The following KDM5B variants were observed in gnomAD, a reference collection of about 807,000 sequenced individuals.
The protein encoded by KDM5B is lysine demethylase 5B.
Under a neutral mutation model 193.4 loss-of-function variants are expected in KDM5B, and 144 were observed. That is an observed-to-expected ratio of 0.74 (90% CI 0.65 to 0.86). KDM5B has a LOEUF of 0.86. Among genes scored for constraint, KDM5B ranks in the 40% least tolerant of loss-of-function variants. KDM5B has a pLI of 0.00. For synonymous variants in KDM5B, 668 were observed against 682.6 expected, an observed-to-expected ratio of 0.98 and a Z score of 0.33; for missense variants, 1,833 against 1,886.9, an observed-to-expected ratio of 0.97 and a Z score of 0.53.
rs1656110094 is a variant in KDM5B at position 202,758,500 on chromosome 1, T to C, written c.1088A>G (p.Lys363Arg). The change falls in exon 9 of 27, where the codon AAG becomes AGG. Residue 363 changes from lysine (K) to arginine (R), a missense_variant. Physicochemically the swap from Lys to Arg is conservative, Grantham distance 26. This residue lies in a region of KDM5B where 99 missense variants were observed against 162.4 expected (regional missense o/e 0.61). Transcript: ENST00000367265. ...TTCAAAGCCAAATGCTTCTTGTGGC[T>C]TACTACATTCCTGAAAATAAAGAAA... ...CPKCLAQECS[K>R]PQEAFGFEQA... 1 of 1,609,520 alleles carries C rather than the reference T, an allele frequency of 6.2e-7. No individual in the cohort carries two copies. Among genetic ancestry groups the C allele is most frequent in the Admixed American group, 1.7e-5 (1 of 59,898 alleles).
intron 7 of KDM5B, among the ~76,000 whole-genome samples, chr1:202,762,352 C>G (rs1026934492): frequency 2.6e-5 from 4 of 152,140 alleles, no homozygotes; most frequent in Middle Eastern, 3.2e-3. Context: ...TTTGAGCGAG[C>G]CTTCAGCTCA....
chr1:202,735,411 G>A lies in KDM5B; in HGVS notation c.3423+18C>T, dbSNP rs771597832. On this transcript the variant is annotated intron_variant, in intron 22 of 26. Transcript: ENST00000367265. ...CTTCCCAATAACATAGAAAGGAGAA[G>A]AAAAAAACCCTACATACAGCTGAAG... is the stretch of plus-strand genomic sequence containing the variant. 10 of 1,598,392 alleles carry A rather than the reference G, an allele frequency of 6.3e-6. No individual in the cohort carries two copies. Among genetic ancestry groups the A allele is most frequent in the Non-Finnish European group, 8.5e-6 (10 of 1,173,966 alleles).
chr1:202,786,890 A>T (rs1417616223), intron 1 of KDM5B, among the ~76,000 whole-genome samples: 1 of 152,120 alleles, frequency 6.6e-6, no homozygotes, highest in Non-Finnish European at 1.5e-5. Flanking sequence ...TTATAAATAT[A>T]CAAAAAGCTA....
At chr1:202,807,596 C>T (rs899414297) in intron 1 of KDM5B, among the ~76,000 whole-genome samples, 1 of 152,032 alleles carries the variant, frequency 6.6e-6, no homozygotes, top group Non-Finnish European at 1.5e-5. Flanking sequence ...CAGGGGCTCC[C>T]GCCGCCATAT....
chr1:202,792,286 A>G (rs1475792293), intron 1 of KDM5B, among the ~76,000 whole-genome samples: 2 of 150,330 alleles, frequency 1.3e-5, no homozygotes, highest in African/African-American at 4.9e-5. Flanking sequence ...TAGCTGCCTA[A>G]ACCTGTCATG....
intron 26 of KDM5B, 115 bp from the exon 27 acceptor site, chr1:202,729,288 C>T: frequency 1.8e-6 from 2 of 1,093,976 alleles, no homozygotes; most frequent in Non-Finnish European, 2.7e-6. Flanking sequence ...TGTCCCACCA[C>T]TGGGACCTCT....
At chr1:202,746,031 A>G in intron 15 of KDM5B, 49 bp from the exon 16 acceptor site, 1 of 1,610,288 alleles carries the variant, frequency 6.2e-7, no homozygotes, top group Non-Finnish European at 8.5e-7. Flanking sequence ...AGCTTTGGAG[A>G]AAACTAGATG....
intron 22 of KDM5B, among the ~76,000 whole-genome samples, chr1:202,734,645 A>G (rs1167516425): frequency 6.6e-6 from 1 of 152,244 alleles, no homozygotes; most frequent in Non-Finnish European, 1.5e-5. Flanking sequence ...TATAAAAACA[A>G]ACCACAGATG....
intron 1 of KDM5B, among the ~76,000 whole-genome samples, chr1:202,777,361 A>C (rs1657000205): frequency 6.6e-6 from 1 of 152,068 alleles, no homozygotes; most frequent in Non-Finnish European, 1.5e-5. Flanking sequence ...TAAAAAAAAA[A>C]AAAAAAAAAA....
At chr1:202,779,804 AAAATAAATAAAT>A (rs145024625) in intron 1 of KDM5B, among the ~76,000 whole-genome samples, 2,944 of 141,308 alleles carry the variant, frequency 0.021, 81 homozygotes, top group African/African-American at 0.06. Context: ...CTCCGTCTCA[AAAATAAATAAAT>A]AAATAAATAA....
intron 12 of KDM5B, among the ~76,000 whole-genome samples, chr1:202,752,667 G>C (rs1472767485): frequency 1.3e-5 from 2 of 152,154 alleles, no homozygotes; most frequent in Admixed American, 1.3e-4. Context: ...ATTATTACTT[G>C]CAAAGGAAGG....
intron 4 of KDM5B, among the ~76,000 whole-genome samples, chr1:202,772,214 G>T (rs1656749432): frequency 6.6e-6 from 1 of 152,180 alleles, no homozygotes; most frequent in African/African-American, 2.4e-5. Flanking sequence ...CAAAGGGTGT[G>T]AATGGATAAT....
In KDM5B at chr1:202,768,727, T is replaced by C. The variant is rs1408044333; in HGVS notation, c.577-1667A>G. On this transcript the variant is annotated intron_variant, in intron 4 of 26. Coordinates refer to ENST00000367265, the MANE Select transcript of KDM5B (RefSeq NM_006618.5). Reference sequence around the variant, plus strand: ...GAAAAGTTAACTATTCTTTTTTTTTTTTTTTTTGAGATGGAGTTTCGCTCT... The same window carrying C: ...GAAAAGTTAACTATTCTTTTTTTTTCTTTTTTTGAGATGGAGTTTCGCTCT... 4.6e-5 allele frequency among the ~76,000 whole-genome samples: 7 copies of C among 151,016 alleles called. No homozygotes were observed. In the East Asian group the frequency reaches 1.2e-3, roughly 25 times the overall value.
At chr1:202,761,764 G>A (rs1465604922) in intron 7 of KDM5B, among the ~76,000 whole-genome samples, 1 of 152,152 alleles carries the variant, frequency 6.6e-6, no homozygotes, top group African/African-American at 2.4e-5. Context: ...AAATTTCCCA[G>A]CCTATACAAC....
In KDM5B at chr1:202,774,861, A is replaced by T. The variant is rs759552725; in HGVS notation, c.283-126T>A. Reference sequence around the variant, plus strand: ...CTTAAAAAAATTTTTTTTTAATTTAATGCTCTTTCAGCAAAATCATATAAT... The same window carrying T: ...CTTAAAAAAATTTTTTTTTAATTTATTGCTCTTTCAGCAAAATCATATAAT... On this transcript the variant is annotated intron_variant, in intron 2 of 26. Transcript: ENST00000367265. 66 of 797,440 alleles carry T rather than the reference A, an allele frequency of 8.3e-5. 1 individual carries two copies. The highest frequency in any genetic ancestry group is 1.2e-4 in the Non-Finnish European group (62 of 503,742). 49.4% of individuals were successfully genotyped at this position (797,440 alleles called of 1,614,324 possible).
chr1:202,776,894 C>T (rs1183454824), intron 2 of KDM5B, 123 bp downstream of exon 2: 4 of 728,680 alleles, frequency 5.5e-6, no homozygotes, highest in Non-Finnish European at 9.6e-6. Flanking sequence ...TTCTTATTTG[C>T]TCAAATACAA....
chr1:202,736,437 T>C (rs764586760), intron 20 of KDM5B, 45 bp from the exon 21 acceptor site: 5 of 1,431,818 alleles, frequency 3.5e-6, no homozygotes, highest in Non-Finnish European at 2.8e-6. Flanking sequence ...AAAAGAACAC[T>C]TCTATGAAAA....
intron 12 of KDM5B, among the ~76,000 whole-genome samples, chr1:202,752,155 A>C (rs1468570573): frequency 6.6e-6 from 1 of 152,204 alleles, no homozygotes; most frequent in Non-Finnish European, 1.5e-5. Flanking sequence ...TGGCTTCCCA[A>C]ATGTCTTCAG....
intron 14 of KDM5B, among the ~76,000 whole-genome samples, chr1:202,746,885 G>A (rs955611708): frequency 6.6e-6 from 1 of 152,134 alleles, no homozygotes; most frequent in African/African-American, 2.4e-5. Context: ...CAATAGCAAA[G>A]ACTAAAGTCA....
Sources: gnomAD v4.1 joint callset for allele counts (sites outside exome capture counted in the v4.1 genomes callset) on GRCh38, gnomAD v4.1.1 for gene constraint, gnomAD v4.1.1 regional missense constraint, MANE v1.5 for transcripts, NCBI Gene and HGNC (gene_info 2026-07-23, HGNC 2026-07-21) for gene names.